Variants in ST3GAL6 observed in about 807,000 individuals in gnomAD.
The protein encoded by ST3GAL6 is ST3 beta-galactoside alpha-2,3-sialyltransferase 6, also known as type 2 lactosamine alpha-2,3-sialyltransferase.
A neutral mutation model predicts 40.5 loss-of-function variants in ST3GAL6; 31 were observed. The observed-to-expected ratio is 0.77, with a 90% CI of 0.58 to 1.03. The LOEUF (loss-of-function observed/expected upper bound fraction) is 1.03, where lower values mean the gene tolerates loss of function less well. Ranked by LOEUF, ST3GAL6 falls within the 50% of genes least tolerant of loss-of-function variation. ST3GAL6 has a pLI of 0.00. For missense variants in ST3GAL6, 357 were observed against 393.2 expected, an observed-to-expected ratio of 0.91 and a Z score of 0.78; for synonymous variants, 129 against 136.9, an observed-to-expected ratio of 0.94 and a Z score of 0.40.
At chr3:98,793,085 T>C (rs1941344440) in intron 9 of ST3GAL6, among the ~76,000 whole-genome samples, 1 of 152,092 alleles carries the variant, frequency 6.6e-6, no homozygotes, top group African/African-American at 2.4e-5. Flanking sequence ...CCCCACCAGG[T>C]AAGACAAGCA....
chr3:98,785,145 G>GTTT, intron 6 of ST3GAL6, 105 bp downstream of exon 6: 2 of 658,788 alleles, frequency 3.0e-6, no homozygotes. Context: ...TTTCCATTTG[G>GTTT]TTTTTTTTTT....
At chr3:98,740,429 C>T (rs1248666929) in intron 1 of ST3GAL6, among the ~76,000 whole-genome samples, 2 of 151,950 alleles carry the variant, frequency 1.3e-5, no homozygotes, top group South Asian at 2.1e-4. Flanking sequence ...ATGTTGCTAA[C>T]TTTCTTTTTA....
At position 98,784,581 on chromosome 3, in the gene ST3GAL6, A is replaced by C. The variant is rs577293625; in HGVS notation, c.336-364A>C. ...TCACAGTCTCAAGTTCTGGATCCAC[A>C]TGCTAGTTCCACTTTGGAGTATGAC... On this transcript the variant is annotated intron_variant, in intron 5 of 9. Coordinates refer to ENST00000483910, the MANE Select transcript of ST3GAL6 (RefSeq NM_001323368.2). 10 of 196,148 alleles carry C rather than the reference A, an allele frequency of 5.1e-5. No homozygotes were observed. The South Asian group carries it at 9.7e-4, about 19-fold the overall frequency. The allele number at this position is 196,148 out of a possible 1,614,324, so 12.2% of individuals were successfully genotyped here.
intron 1 of ST3GAL6, among the ~76,000 whole-genome samples, chr3:98,764,747 C>G (rs1281309559): frequency 1.3e-5 from 2 of 152,156 alleles, no homozygotes; most frequent in Non-Finnish European, 2.9e-5. Flanking sequence ...GTAAGTCTAC[C>G]ACTTCTTTTG....
intron 1 of ST3GAL6, among the ~76,000 whole-genome samples, chr3:98,763,733 T>TAAAA (rs1156871943): frequency 1.0e-5 from 1 of 100,184 alleles, no homozygotes. Flanking sequence ...TCCTAGTGAC[T>TAAAA]AAAAAAAAAA....
intron 1 of ST3GAL6, chr3:98,732,618 C>T (rs1935118655): frequency 2.1e-6 from 1 of 469,412 alleles, no homozygotes; most frequent in Non-Finnish European, 3.8e-6. Context: ...GCACCTTCCT[C>T]CTCGAATTTG....
At chr3:98,782,810 GA>G (rs1345059223) in intron 5 of ST3GAL6, 7 of 510,408 alleles carry the variant, frequency 1.4e-5, no homozygotes, top group Non-Finnish European at 2.4e-5. Context: ...GGAGAAACAG[GA>G]GTTGAATGAA....
intron 1 of ST3GAL6, among the ~76,000 whole-genome samples, chr3:98,757,177 CAA>C (rs1374464829): frequency 2.0e-5 from 3 of 152,272 alleles, no homozygotes; most frequent in Admixed American, 2.0e-4. Context: ...TGCAGGCACT[CAA>C]TGATTTATTA....
intron 8 of ST3GAL6, among the ~76,000 whole-genome samples, chr3:98,789,524 C>G (rs1941027693): frequency 6.6e-6 from 1 of 152,118 alleles, no homozygotes; most frequent in Non-Finnish European, 1.5e-5. Context: ...AACTCTTCCC[C>G]TATTTATAGA....
intron 5 of ST3GAL6, among the ~76,000 whole-genome samples, chr3:98,778,387 C>A (rs952205240): frequency 2.0e-5 from 3 of 152,164 alleles, no homozygotes; most frequent in Non-Finnish European, 4.4e-5. Context: ...AAAAAGAGTC[C>A]TAACTCTAAA....
chr3:98,766,785 C>G (rs1474036459), intron 1 of ST3GAL6, among the ~76,000 whole-genome samples: 1 of 152,154 alleles, frequency 6.6e-6, no homozygotes, highest in Non-Finnish European at 1.5e-5. Flanking sequence ...ATGTTCCTCA[C>G]TATTTTGGCC....
chr3:98,733,057 C>T, intron 1 of ST3GAL6: 1 of 1,413,132 alleles, frequency 7.1e-7, no homozygotes, highest in South Asian at 1.5e-5. Context: ...GGCCGGGGTC[C>T]GGGCGGCCTG....
intron 2 of ST3GAL6, among the ~76,000 whole-genome samples, chr3:98,769,573 A>G (rs1284603643): frequency 6.6e-6 from 1 of 152,146 alleles, no homozygotes; most frequent in Non-Finnish European, 1.5e-5. Context: ...TGTTGGTCAC[A>G]GGGAAAATGA....
chr3:98,748,426 G>A (rs1936724231), intron 1 of ST3GAL6, among the ~76,000 whole-genome samples: 1 of 152,032 alleles, frequency 6.6e-6, no homozygotes, highest in African/African-American at 2.4e-5. Flanking sequence ...AATGTAGTAA[G>A]TGTGCAAAAA....
At chr3:98,757,720 T>C (rs1298545612) in intron 1 of ST3GAL6, among the ~76,000 whole-genome samples, 2 of 152,202 alleles carry the variant, frequency 1.3e-5, no homozygotes, top group East Asian at 1.9e-4. Flanking sequence ...ATCTGTATGA[T>C]AGGGATGACG....
chr3:98,795,654 C>T lies in ST3GAL6; in HGVS notation c.*1893C>T, dbSNP rs1198124907. 6.6e-6 allele frequency: 1 copy of T among 152,126 alleles called. No individual in the cohort carries two copies. Among genetic ancestry groups the T allele is most frequent in the Non-Finnish European group, 1.5e-5 (1 of 68,060 alleles). 9.4% of individuals were successfully genotyped at this position (152,126 alleles called of 1,614,324 possible). On this transcript the variant is annotated 3_prime_UTR_variant, in exon 10 of 10. Transcript: ENST00000483910. ...AGATGGGAACGATAGACACTGAGGA[C>T]TGCGGCGGGGGGAGCGAGGGGAGCG... is the stretch of plus-strand genomic sequence containing the variant.
rs1940547505 is a variant in ST3GAL6, at chr3:98,784,959, AGT to A, written c.356_357del (p.Val119GlyfsTer4). On this transcript the variant is annotated frameshift_variant, in exon 6 of 10. Coordinates refer to ENST00000483910, the MANE Select transcript of ST3GAL6 (RefSeq NM_001323368.2). LOFTEE classifies it high-confidence loss of function. ...CTGTCCAACAGCATACCCTGTAAAA[AGT>A]GTGTGGTGGTTGGTAATGGAGGAGT... 1.9e-6 allele frequency: 3 copies of A among 1,543,350 alleles called. No homozygotes were observed. The highest frequency in any genetic ancestry group is 1.7e-5 in the Admixed American group (1 of 57,308).
intron 1 of ST3GAL6, among the ~76,000 whole-genome samples, chr3:98,741,050 CAGTG>C (rs1334112611): frequency 1.2e-3 from 93 of 78,906 alleles, no homozygotes; most frequent in African/African-American, 4.6e-3. Context: ...TAGAGGGATT[CAGTG>C]TGTGTGTGTG....
At chr3:98,786,646 G>C (rs1940740667) in intron 6 of ST3GAL6, among the ~76,000 whole-genome samples, 1 of 151,836 alleles carries the variant, frequency 6.6e-6, no homozygotes, top group South Asian at 2.1e-4. Context: ...GAGGAGTTGA[G>C]AAATCAGATG....
Sources: allele counts gnomAD v4.1 joint callset (sites outside exome capture counted in the v4.1 genomes callset), GRCh38; gene constraint gnomAD v4.1.1; transcripts MANE v1.5; gene names NCBI Gene and HGNC (gene_info 2026-07-23, HGNC 2026-07-21).